Variants in ARHGAP25 observed in about 807,000 individuals in gnomAD.
ARHGAP25 encodes rho GTPase-activating protein 25.
A neutral mutation model predicts 71.0 loss-of-function variants in ARHGAP25; 34 were observed. The ratio of observed to expected loss-of-function variants is 0.48; its 90% CI spans 0.36 to 0.64. The LOEUF (loss-of-function observed/expected upper bound fraction) is 0.64. ARHGAP25 is among the 30% of genes least tolerant of loss of function. ARHGAP25 has a pLI of 0.00. For missense variants in ARHGAP25, 706 were observed against 805.1 expected, an observed-to-expected ratio of 0.88 and a Z score of 1.49; for synonymous variants, 282 against 296.5, an observed-to-expected ratio of 0.95 and a Z score of 0.50.
At chr2:68,743,689 T>A (rs553890829) in intron 1 of ARHGAP25, among the ~76,000 whole-genome samples, 1 of 152,258 alleles carries the variant, frequency 6.6e-6, no homozygotes, top group African/African-American at 2.4e-5. Flanking sequence ...CCAGCCCTTG[T>A]GCTCTGTCCT....
intron 3 of ARHGAP25, among the ~76,000 whole-genome samples, chr2:68,783,643 T>C (rs1445623308): frequency 6.6e-6 from 1 of 152,088 alleles, no homozygotes; most frequent in Non-Finnish European, 1.5e-5. Flanking sequence ...TTTGTATTTT[T>C]AGTAGAGACA....
intron 4 of ARHGAP25, among the ~76,000 whole-genome samples, chr2:68,804,203 G>A (rs1012995249): frequency 1.3e-5 from 2 of 152,178 alleles, no homozygotes; most frequent in Admixed American, 6.5e-5. Context: ...TCTGCAAGGT[G>A]GAGCATCTCC....
At chr2:68,756,658 A>C (rs913428989) in intron 1 of ARHGAP25, among the ~76,000 whole-genome samples, 3 of 152,220 alleles carry the variant, frequency 2.0e-5, no homozygotes, top group Non-Finnish European at 4.4e-5. Flanking sequence ...AATTACAATA[A>C]ACAAACAAAA....
intron 1 of ARHGAP25, among the ~76,000 whole-genome samples, chr2:68,748,708 A>G (rs1675982716): frequency 6.6e-6 from 1 of 152,118 alleles, no homozygotes; most frequent in African/African-American, 2.4e-5. Context: ...TTTCTTATGG[A>G]GAGGGAAGTG....
chr2:68,756,049 TC>T (rs1369143668), intron 1 of ARHGAP25, among the ~76,000 whole-genome samples: 2 of 152,234 alleles, frequency 1.3e-5, no homozygotes, highest in African/African-American at 4.8e-5. Context: ...AATTACTCTT[TC>T]CAAGTCTGTC....
At chr2:68,781,496 G>A (rs1421217332) in intron 2 of ARHGAP25, among the ~76,000 whole-genome samples, 1 of 152,198 alleles carries the variant, frequency 6.6e-6, no homozygotes, top group Non-Finnish European at 1.5e-5. Context: ...ATATCTGTGT[G>A]TAAGAGGTCA....
At chr2:68,775,017 T>C in intron 1 of ARHGAP25, 1 of 1,481,016 alleles carries the variant, frequency 6.8e-7, no homozygotes, top group East Asian at 2.4e-5. Flanking sequence ...ATTCTTGGCC[T>C]GGCCCTGACC....
At chr2:68,793,185 A>G (rs1240255378) in intron 4 of ARHGAP25, among the ~76,000 whole-genome samples, 1 of 152,142 alleles carries the variant, frequency 6.6e-6, no homozygotes, top group Non-Finnish European at 1.5e-5. Flanking sequence ...GTCTTTTATC[A>G]TATGCATAGT....
Position 68,819,210 on chromosome 2 carries a change from C to T in ARHGAP25, c.1091C>T (p.Pro364Leu), listed in dbSNP as rs2103702501. The T allele has an allele frequency of 1.2e-6, 2 of 1,614,164 alleles. No individual in the cohort carries two copies. The stretch of plus-strand genomic sequence containing the variant: ...AAGTCCAAGGATATACCCCTGTCAC[C>T]CCCTGCCCAGAAAAATGACCCCAAG... ...FPKSKDIPLSPPAQKNDPKKA... is the reference protein window; with the variant it reads ...FPKSKDIPLSLPAQKNDPKKA... Residue 364 changes from proline (P) to leucine (L), a missense_variant, in exon 9 of 11, where the codon CCC becomes CTC. Coordinates refer to ENST00000409202, the MANE Select transcript of ARHGAP25 (RefSeq NM_001007231.3).
At chr2:68,716,939 T>C (rs1674625068) in intron 2 of ARHGAP25, among the ~76,000 whole-genome samples, 1 of 152,274 alleles carries the variant, frequency 6.6e-6, no homozygotes, top group Non-Finnish European at 1.5e-5. Flanking sequence ...ATTTGTTTTA[T>C]GTGTATTCCT....
chr2:68,711,919 G>GA, intron 2 of ARHGAP25, among the ~76,000 whole-genome samples: 1 of 151,990 alleles, frequency 6.6e-6, no homozygotes, highest in Non-Finnish European at 1.5e-5. Context: ...GTCTATCATT[G>GA]TGCATTTGGG....
At chr2:68,782,432 A>G in intron 3 of ARHGAP25, 112 bp downstream of exon 3, 1 of 918,346 alleles carries the variant, frequency 1.1e-6, no homozygotes, top group Non-Finnish European at 1.7e-6. Context: ...TAACTAACCA[A>G]CCAGCCTATT....
chr2:68,775,982 C>A (rs12997009), intron 2 of ARHGAP25, among the ~76,000 whole-genome samples: 48,835 of 151,960 alleles, frequency 0.32, 8,175 homozygotes, highest in Middle Eastern at 0.4. Flanking sequence ...GCAGATGTCA[C>A]GAGTTAAGGG....
At chr2:68,817,716 G>A (rs574182629) in intron 7 of ARHGAP25, among the ~76,000 whole-genome samples, 157 bp from the exon 8 acceptor site, 2 of 152,290 alleles carry the variant, frequency 1.3e-5, no homozygotes, top group South Asian at 4.1e-4. Flanking sequence ...GGGTCTTTCA[G>A]GATGAGGCTA....
chr2:68,773,955 G>A (rs115472956), intron 1 of ARHGAP25, among the ~76,000 whole-genome samples: 19 of 152,268 alleles, frequency 1.2e-4, no homozygotes, highest in African/African-American at 4.3e-4. Context: ...TGAGGAAGCC[G>A]AGGCTCAGAG....
chr2:68,780,837 G>A (rs761144788), intron 2 of ARHGAP25, among the ~76,000 whole-genome samples: 1 of 152,030 alleles, frequency 6.6e-6, no homozygotes, highest in African/African-American at 2.4e-5. Context: ...CCTTTATAGT[G>A]TTCTCTGCCA....
chr2:68,745,761 G>A (rs535134568), intron 1 of ARHGAP25, among the ~76,000 whole-genome samples: 2 of 152,314 alleles, frequency 1.3e-5, no homozygotes, highest in South Asian at 4.1e-4. Context: ...ATACAGAACA[G>A]ACATTTATTT....
chr2:68,765,837 C>T (rs1365949157), intron 1 of ARHGAP25, among the ~76,000 whole-genome samples: 1 of 152,170 alleles, frequency 6.6e-6, no homozygotes, highest in Non-Finnish European at 1.5e-5. Flanking sequence ...GTCACTTTAA[C>T]TCTCAGTAGT....
chr2:68,735,435 G>A, intron 1 of ARHGAP25, 175 bp downstream of exon 1: 1 of 661,254 alleles, frequency 1.5e-6, no homozygotes, highest in Non-Finnish European at 2.7e-6. Context: ...AAAATGCTGG[G>A]AGGGGGTTCT....
Sources: allele counts gnomAD v4.1 joint callset (sites outside exome capture counted in the v4.1 genomes callset), GRCh38; gene constraint gnomAD v4.1.1; transcripts MANE v1.5; gene names NCBI Gene and HGNC (gene_info 2026-07-23, HGNC 2026-07-21).